Variants in H3-7 observed in about 807,000 individuals in gnomAD.
The protein encoded by H3-7 is H3.7 histone (putative), also known as histone H3-7.
At chr1:143,904,441 T>C in the H3-7 span, 15 of 1,585,002 alleles carry the variant, frequency 9.5e-6, 3 homozygotes, top group South Asian at 1.5e-4. Flanking sequence ...TTGGACGAGA[T>C]GCCGGTGTCG....
At chr1:143,904,213 T>G in the H3-7 span, 1 of 1,543,968 alleles carries the variant, frequency 6.5e-7, no homozygotes, top group Non-Finnish European at 8.9e-7. Flanking sequence ...ATTGCGTCCC[T>G]TGCACACTCT....
chr1:143,904,240 ACTTGGTGACCGC>A, the H3-7 span: 1 of 1,580,122 alleles, frequency 6.3e-7, no homozygotes, highest in East Asian at 2.3e-5. Flanking sequence ...GAGCTGGTGT[ACTTGGTGACCGC>A]CTTGGTGCCC....
At chr1:143,904,885 T>G in the H3-7 span, among the ~76,000 whole-genome samples, 1 of 143,366 alleles carries the variant, frequency 7.0e-6, no homozygotes, top group Non-Finnish European at 1.6e-5. Flanking sequence ...AAGCGATAGT[T>G]TCAACGGCTT....
At chr1:143,905,667 G>A in the H3-7 span, 13 of 1,582,982 alleles carry the variant, frequency 8.2e-6, 1 homozygote, top group Non-Finnish European at 1.0e-5. Context: ...GCCCCACCAG[G>A]TAGGCCTCTC....
chr1:143,905,337 G>GC, the H3-7 span: 1 of 524,966 alleles, frequency 1.9e-6, no homozygotes, highest in Non-Finnish European at 3.4e-6. Context: ...AAAAGGCTCG[G>GC]CCGGAACCAC....
At chr1:143,903,320 C>T in the H3-7 span, among the ~76,000 whole-genome samples, 25 of 84,082 alleles carry the variant, frequency 3.0e-4, 2 homozygotes, top group Admixed American at 1.1e-3. Context: ...CTATGAAGTG[C>T]TCAGCTTTCA....
At chr1:143,904,158 CTG>C in the H3-7 span, 1 of 1,216,230 alleles carries the variant, frequency 8.2e-7, no homozygotes, top group African/African-American at 1.5e-5. Flanking sequence ...TTCTCGATTA[CTG>C]AAGTGGCTCT....
At chr1:143,905,321 A>T in the H3-7 span, among the ~76,000 whole-genome samples, 1 of 140,740 alleles carries the variant, frequency 7.1e-6, no homozygotes, top group African/African-American at 2.6e-5. Context: ...GCCTTAAACC[A>T]GCGTGAAAAG....
chr1:143,903,325 C>G, the H3-7 span, among the ~76,000 whole-genome samples: 2 of 81,036 alleles, frequency 2.5e-5, no homozygotes, highest in African/African-American at 4.9e-5. Flanking sequence ...AAGTGCTCAG[C>G]TTTCACCAAG....
At chr1:143,903,943 T>C in the H3-7 span, among the ~76,000 whole-genome samples, 1 of 146,348 alleles carries the variant, frequency 6.8e-6, no homozygotes, top group Non-Finnish European at 1.5e-5. Flanking sequence ...CCCTCCCAAA[T>C]ATCCCAGAAC....
chr1:143,905,573 G>C, the H3-7 span: 23 of 1,580,816 alleles, frequency 1.5e-5, 4 homozygotes, highest in Non-Finnish European at 5.2e-6. Flanking sequence ...CGCTCCCCGC[G>C]GATGCGGCTG....
the H3-7 span, chr1:143,904,392 A>C: frequency 2.5e-6 from 4 of 1,582,738 alleles, 1 homozygote; most frequent in Non-Finnish European, 3.5e-6. Flanking sequence ...GATGCGCTCG[A>C]AGATGTCGTT....
the H3-7 span, among the ~76,000 whole-genome samples, chr1:143,905,305 C>T: frequency 1.4e-5 from 2 of 138,818 alleles, 1 homozygote; most frequent in African/African-American, 5.2e-5. Context: ...GGGAGCCGGA[C>T]CTCTAGCCTT....
At chr1:143,904,276 G>C in the H3-7 span, 3 of 1,586,196 alleles carry the variant, frequency 1.9e-6, no homozygotes, top group African/African-American at 2.7e-5. Flanking sequence ...GACACGGCGT[G>C]CTTGGCCAGC....
chr1:143,903,172 A>G, the H3-7 span, among the ~76,000 whole-genome samples: 1 of 140,070 alleles, frequency 7.1e-6, no homozygotes, highest in Non-Finnish European at 1.6e-5. Context: ...GGCCTGGGCG[A>G]CAGAGCGAGA....
At chr1:143,905,604 C>T in the H3-7 span, 1 of 1,582,390 alleles carries the variant, frequency 6.3e-7, no homozygotes, top group African/African-American at 1.3e-5. Context: ...TGTCCTTGGG[C>T]ATGATGGTCA....
At chr1:143,903,162 G>C in the H3-7 span, among the ~76,000 whole-genome samples, 4 of 141,362 alleles carry the variant, frequency 2.8e-5, no homozygotes, top group Non-Finnish European at 4.7e-5. Context: ...AGTGCACTCC[G>C]GCCTGGGCGA....
the H3-7 span, chr1:143,905,610 G>C: frequency 6.3e-7 from 1 of 1,582,436 alleles, no homozygotes; most frequent in Admixed American, 1.7e-5. Flanking sequence ...TGGGCATGAT[G>C]GTCACGCGCT....
chr1:143,902,852 G>A, the H3-7 span, among the ~76,000 whole-genome samples: 4 of 146,230 alleles, frequency 2.7e-5, no homozygotes, highest in Non-Finnish European at 4.6e-5. Context: ...CCCACCTCCA[G>A]TCTCGCTGAA....
Sources: gnomAD v4.1 joint callset for allele counts (sites outside exome capture counted in the v4.1 genomes callset) on GRCh38, gnomAD v4.1.1 for gene constraint, MANE v1.5 for transcripts, NCBI Gene and HGNC (gene_info 2026-07-23, HGNC 2026-07-21) for gene names.